ABCC4: variants seen among roughly 807,000 people sequenced by gnomAD.
The protein encoded by ABCC4 is ATP binding cassette subfamily C member 4 (PEL blood group).
ABCC4 carries 102 observed loss-of-function variants against 168.5 expected under a neutral mutation model. The observed-to-expected ratio is 0.61, with a 90% CI of 0.52 to 0.71. The LOEUF is 0.71. ABCC4 is among the 30% of genes least tolerant of loss of function. The pLI, the probability that ABCC4 is intolerant of heterozygous loss-of-function variation, is 0.00. For synonymous variants in ABCC4, 617 were observed against 590.7 expected (o/e 1.04, Z -0.65); for missense variants, 1,402 against 1,605.8 (o/e 0.87, Z 2.17).
At chr13:95,046,487 A>G (rs9590169) in intron 27 of ABCC4, among the ~76,000 whole-genome samples, 24,334 of 152,142 alleles carry the variant, frequency 0.16, 2,253 homozygotes, top group African/African-American at 0.25. Flanking sequence ...ATGTATGGCC[A>G]AGTACAGTGG....
chr13:95,295,510 T>G (rs1245680407), intron 1 of ABCC4, among the ~76,000 whole-genome samples: 1 of 151,038 alleles, frequency 6.6e-6, no homozygotes, highest in Admixed American at 6.6e-5. Context: ...ATACAAAAAT[T>G]AGCTGGATGC....
rs2032484916 is a variant in ABCC4 at position 95,044,314 on chromosome 13, T to C, written c.3581A>G (p.Lys1194Arg). The C allele has an allele frequency of 6.2e-7, 1 of 1,613,604 alleles. No homozygotes were observed. Among genetic ancestry groups the C allele is most frequent in the African/African-American group, 1.3e-5 (1 of 74,924 alleles). ...TTCATCAATAATCAATATCTGATTT[T>C]TCCTGAGAATTGCCCTGGCAAGGCA... Reference protein sequence around the residue: ...LVCLARAILRKNQILIIDEAT... With the variant: ...LVCLARAILRRNQILIIDEAT... Residue 1194 changes from lysine to arginine, a missense_variant, in exon 28 of 31, where the codon AAA (lysine) becomes AGA (arginine). Coordinates refer to ENST00000645237, the MANE Select transcript of ABCC4 (RefSeq NM_005845.5).
chr13:95,265,554 T>C (rs2040647676), intron 1 of ABCC4, among the ~76,000 whole-genome samples: 1 of 152,138 alleles, frequency 6.6e-6, no homozygotes, highest in South Asian at 2.1e-4. Context: ...GAGGACTGCT[T>C]GAGTCCAGGA....
chr13:95,252,755 G>A (rs1199345427), intron 1 of ABCC4, among the ~76,000 whole-genome samples: 1 of 152,220 alleles, frequency 6.6e-6, no homozygotes, highest in Non-Finnish European at 1.5e-5. Context: ...ACGGCTTTAG[G>A]CAGCCACTGA....
chr13:95,088,284 A>G (rs1203117733), intron 20 of ABCC4, among the ~76,000 whole-genome samples: 1 of 152,236 alleles, frequency 6.6e-6, no homozygotes, highest in Non-Finnish European at 1.5e-5. Flanking sequence ...ATCTTAGAAA[A>G]GGCATATAAA....
intron 15 of ABCC4, 116 bp from the exon 16 acceptor site, chr13:95,164,634 A>T (rs1480095890): frequency 1.5e-5 from 16 of 1,066,982 alleles, no homozygotes; most frequent in African/African-American, 3.2e-5. Context: ...AAAATGATCC[A>T]TCTCCTGTGG....
At chr13:95,077,021 G>A (rs4773839) in intron 21 of ABCC4, among the ~76,000 whole-genome samples, 1 of 152,068 alleles carries the variant, frequency 6.6e-6, no homozygotes, top group Non-Finnish European at 1.5e-5. Context: ...ATTTCCAGCA[G>A]GCCACTGTGT....
At chr13:95,024,697 A>G (rs1466298351) in intron 30 of ABCC4, among the ~76,000 whole-genome samples, 1 of 152,170 alleles carries the variant, frequency 6.6e-6, no homozygotes, top group Non-Finnish European at 1.5e-5. Flanking sequence ...CATCATTTTT[A>G]AAGCCAGTCT....
chr13:95,025,238 CA>C (rs2031389045), intron 30 of ABCC4, among the ~76,000 whole-genome samples: 2 of 58,996 alleles, frequency 3.4e-5, no homozygotes, highest in African/African-American at 8.6e-5. Context: ...CACACCCATA[CA>C]CACACACCCA....
intron 19 of ABCC4, among the ~76,000 whole-genome samples, chr13:95,136,836 C>G (rs1174270890): frequency 6.6e-6 from 1 of 152,226 alleles, no homozygotes; most frequent in African/African-American, 2.4e-5. Context: ...GAACGCCCAG[C>G]CTGCCCAGGC....
At chr13:95,071,057 T>C (rs942310400) in intron 25 of ABCC4, among the ~76,000 whole-genome samples, 3 of 109,742 alleles carry the variant, frequency 2.7e-5, no homozygotes, top group Non-Finnish European at 5.9e-5. Context: ...GATGGTTTTA[T>C]AAGGGGAAGT....
In ABCC4 at chr13:95,020,183, G is replaced by C. The variant is rs1483198580; in HGVS notation, c.*1392C>G. 6.6e-6 allele frequency: 1 copy of C among 152,130 alleles called. No individual in the cohort carries two copies. Among genetic ancestry groups the C allele is most frequent in the Non-Finnish European group, 1.5e-5 (1 of 68,028 alleles). 9.4% of individuals were successfully genotyped at this position (152,130 alleles called of 1,614,324 possible). On this transcript the variant is annotated 3_prime_UTR_variant, in exon 31 of 31. Transcript: ENST00000645237. Reference sequence around the variant, plus strand: ...CTGTGTGTGGTGTGTGCTTTTTAAGGCTTCACTCAATAAAACATCTGTTGC... The same window carrying C: ...CTGTGTGTGGTGTGTGCTTTTTAAGCCTTCACTCAATAAAACATCTGTTGC...
chr13:95,180,754 A>G (rs947750538), intron 11 of ABCC4, among the ~76,000 whole-genome samples: 1 of 152,158 alleles, frequency 6.6e-6, no homozygotes, highest in Non-Finnish European at 1.5e-5. Context: ...TTTTGTTTTC[A>G]TTCTCAAAAT....
intron 4 of ABCC4, among the ~76,000 whole-genome samples, chr13:95,225,968 T>TAAAAAAA (rs11414379): frequency 2.5e-5 from 3 of 117,792 alleles, no homozygotes; most frequent in African/African-American, 3.3e-5. Flanking sequence ...CATCTCCACT[T>TAAAAAAA]AAAAAAAAAA....
intron 1 of ABCC4, among the ~76,000 whole-genome samples, chr13:95,279,763 T>C (rs9524880): frequency 0.019 from 2,917 of 151,932 alleles, 56 homozygotes; most frequent in Non-Finnish European, 0.03. Context: ...AAACAGAGAC[T>C]GTCAAGAGAA....
chr13:95,113,774 A>C lies in ABCC4; in HGVS notation c.2535+2148T>G, dbSNP rs145005022. Among the ~76,000 whole-genome samples the C allele has an allele frequency of 3.9e-4, 59 of 152,282 alleles. No homozygotes were observed. The East Asian group carries it at 0.011, about 28-fold the overall frequency. The stretch of plus-strand genomic sequence containing the variant: ...AATCCCCGGGAGAAAGGCTCGGCAC[A>C]CAAAGTAAGATGAACCAGTTACTGC... On this transcript the variant is annotated intron_variant, in intron 20 of 30. Transcript: ENST00000645237.
At position 95,035,487 on chromosome 13, in the gene ABCC4, T is replaced by C. The variant is rs1454003939; in HGVS notation, c.3736-748A>G. ...TAAGACTAAAGAACCAATTAAGAAA[T>C]TGAGCTCCAAATTCCTGTGATCACA... On this transcript the variant is annotated intron_variant, in intron 29 of 30. Transcript: ENST00000645237. Among the ~76,000 whole-genome samples, 3 of 152,272 alleles carry C rather than the reference T, an allele frequency of 2.0e-5. No individual in the cohort carries two copies. The East Asian group carries it at 5.8e-4, about 29-fold the overall frequency.
At chr13:95,112,297 G>A (rs551952901) in intron 20 of ABCC4, among the ~76,000 whole-genome samples, 14 of 151,186 alleles carry the variant, frequency 9.3e-5, no homozygotes, top group Non-Finnish European at 2.1e-4. Flanking sequence ...AGGTTGCAGT[G>A]AGCTGAGATC....
intron 4 of ABCC4, among the ~76,000 whole-genome samples, chr13:95,234,284 T>A (rs954541408): frequency 3.3e-5 from 5 of 152,238 alleles, no homozygotes; most frequent in African/African-American, 4.8e-5. Flanking sequence ...TTAGATTTCA[T>A]TATAAATTTA....
Sources: gnomAD v4.1 joint callset for allele counts (sites outside exome capture counted in the v4.1 genomes callset) on GRCh38, gnomAD v4.1.1 for gene constraint, MANE v1.5 for transcripts, NCBI Gene and HGNC (gene_info 2026-07-23, HGNC 2026-07-21) for gene names.